RBPJ: variants seen among roughly 807,000 people sequenced by gnomAD.
RBPJ encodes recombining binding protein suppressor of hairless.
Under a neutral mutation model 67.8 loss-of-function variants are expected in RBPJ, and 9 were observed. The observed-to-expected ratio is 0.13, with a 90% CI of 0.08 to 0.23. The LOEUF is 0.23. Among genes scored for constraint, RBPJ ranks in the 10% least tolerant of loss-of-function variants. RBPJ has a pLI of 1.00. For synonymous variants in RBPJ, 198 were observed against 203.3 expected (o/e 0.97, Z 0.22); for missense variants, 305 against 595.6 (o/e 0.51, Z 5.08).
intron 1 of RBPJ, among the ~76,000 whole-genome samples, chr4:26,176,367 T>C (rs893443361): frequency 6.6e-6 from 1 of 152,186 alleles, no homozygotes; most frequent in African/African-American, 2.4e-5. Context: ...AAACCAGTGC[T>C]GGTTTCACAA....
upstream of RBPJ, among the ~76,000 whole-genome samples, chr4:26,159,022 A>C (rs563076558): frequency 1.9e-4 from 29 of 149,102 alleles, no homozygotes; most frequent in African/African-American, 7.2e-4. Flanking sequence ...TATGAGGAAT[A>C]GTCATTCCTT....
At chr4:26,346,984 T>TC (rs1435126307) in intron 1 of RBPJ, among the ~76,000 whole-genome samples, 1 of 150,702 alleles carries the variant, frequency 6.6e-6, no homozygotes, top group Non-Finnish European at 1.5e-5. Context: ...AGAGCGAGAC[T>TC]CCATCTCAAA....
At chr4:26,248,286 A>G (rs1176225898) in intron 1 of RBPJ, among the ~76,000 whole-genome samples, 2 of 152,172 alleles carry the variant, frequency 1.3e-5, no homozygotes, top group Non-Finnish European at 2.9e-5. Context: ...GCAAGATTCC[A>G]TCTCAAAAAT....
In RBPJ at chr4:26,269,612, C is replaced by T. The variant is rs551552774; in HGVS notation, c.-166-92834C>T. On this transcript the variant is annotated intron_variant, in intron 1 of 4. Coordinates refer to the RBPJ transcript ENST00000512351. ...CTGCTGAAATGATCTGTTTTATCTACCTGCCTCCCCCACCGGACTTCACCT... is the reference window on the plus strand; with the variant it reads ...CTGCTGAAATGATCTGTTTTATCTATCTGCCTCCCCCACCGGACTTCACCT... Among the ~76,000 whole-genome samples, 202 of 152,212 alleles carry T rather than the reference C, an allele frequency of 1.3e-3. 1 individual carries two copies. The highest frequency in any genetic ancestry group is 4.1e-3 in the African/African-American group (172 of 41,536).
intron 1 of RBPJ, among the ~76,000 whole-genome samples, chr4:26,194,119 A>T (rs1045733169): frequency 2.6e-5 from 4 of 152,232 alleles, no homozygotes; most frequent in African/African-American, 9.6e-5. Flanking sequence ...ACAGGTGTTT[A>T]TCCAGAACAT....
At chr4:26,149,447 G>A in the RBPJ span, among the ~76,000 whole-genome samples, 1 of 152,288 alleles carries the variant, frequency 6.6e-6, no homozygotes, top group African/African-American at 2.4e-5. Context: ...CCGTGAGTGG[G>A]GAATCCAAGC....
chr4:26,272,554 G>T, intron 1 of RBPJ: 2 of 380,328 alleles, frequency 5.3e-6, no homozygotes, highest in Non-Finnish European at 1.0e-5. Flanking sequence ...CTGGGTGACA[G>T]AGCAAGACCC....
intron 1 of RBPJ, among the ~76,000 whole-genome samples, chr4:26,228,677 A>T (rs1447585600): frequency 6.6e-6 from 1 of 152,248 alleles, no homozygotes; most frequent in Non-Finnish European, 1.5e-5. Flanking sequence ...ACTGAAATGA[A>T]ATTGGACATA....
At chr4:26,360,104 A>G (rs1727879167) in intron 1 of RBPJ, among the ~76,000 whole-genome samples, 1 of 152,238 alleles carries the variant, frequency 6.6e-6, no homozygotes. Flanking sequence ...TAATATATAC[A>G]AAGTTTTGAA....
Position 26,430,879 on chromosome 4 carries a change from G to A in RBPJ, c.1336G>A (p.Ala446Thr). Residue 446 changes from alanine to threonine, a missense_variant, in exon 11 of 11, where the codon GCA becomes ACA. Transcript: ENST00000355476. This position sits in a 1 kb window ranked among gnomAD's most constrained non-coding sequence, Gnocchi z 4.1. ...GCGGCCACATTGCAGTGCAGCAGGA[G>A]CAATCCTTCGAGCCAATTCAAGCCA... is the stretch of plus-strand genomic sequence containing the variant. ...GPRPHCSAAG[A>T]ILRANSSQVP... 1 of 1,613,992 alleles carries A rather than the reference G, an allele frequency of 6.2e-7. No homozygotes were observed. The highest frequency in any genetic ancestry group is 8.5e-7 in the Non-Finnish European group (1 of 1,179,998).
chr4:26,193,331 C>T (rs888635221), intron 1 of RBPJ, among the ~76,000 whole-genome samples: 1 of 152,168 alleles, frequency 6.6e-6, no homozygotes, highest in Non-Finnish European at 1.5e-5. Context: ...AACAAGGAGG[C>T]TCTTGCTTCC....
At chr4:26,225,579 G>A (rs1321384300) in intron 1 of RBPJ, among the ~76,000 whole-genome samples, 2 of 152,022 alleles carry the variant, frequency 1.3e-5, no homozygotes, top group Admixed American at 6.5e-5. Flanking sequence ...CACAAAGAGC[G>A]AACCATGATG....
chr4:26,247,598 C>CG (rs938123211), intron 1 of RBPJ, among the ~76,000 whole-genome samples: 1 of 151,894 alleles, frequency 6.6e-6, no homozygotes, highest in African/African-American at 2.4e-5. Flanking sequence ...TTAGTAGAGG[C>CG]GGGGTTTCTC....
chr4:26,126,500 G>T, the RBPJ span, among the ~76,000 whole-genome samples: 1 of 152,220 alleles, frequency 6.6e-6, no homozygotes, highest in Non-Finnish European at 1.5e-5. Context: ...TAGCCAATCA[G>T]ATGCTTTCCT....
intron 1 of RBPJ, among the ~76,000 whole-genome samples, chr4:26,191,216 G>T (rs1379831324): frequency 1.1e-3 from 63 of 56,486 alleles, no homozygotes; most frequent in African/African-American, 1.3e-3. Context: ...TATATAGAGA[G>T]AGAGAGAGAG....
the RBPJ span, among the ~76,000 whole-genome samples, chr4:26,130,873 C>T: frequency 6.6e-6 from 1 of 152,208 alleles, no homozygotes; most frequent in Admixed American, 6.5e-5. Flanking sequence ...AGCAACACTA[C>T]AAAATCCTCA....
intron 3 of RBPJ, chr4:26,410,230 GTTA>G (rs963743025): frequency 4.6e-6 from 1 of 218,896 alleles, no homozygotes; most frequent in African/African-American, 2.4e-5. Context: ...AAGGCGTGAG[GTTA>G]CCTGGGGGCA....
At chr4:26,265,099 T>C (rs749092262) in intron 1 of RBPJ, among the ~76,000 whole-genome samples, 25 of 152,146 alleles carry the variant, frequency 1.6e-4, no homozygotes, top group African/African-American at 5.6e-4. Flanking sequence ...GAGCAGACAA[T>C]AGTTTGTCAA....
the RBPJ span, among the ~76,000 whole-genome samples, chr4:26,157,102 A>C: frequency 1.2e-4 from 12 of 103,668 alleles, no homozygotes; most frequent in African/African-American, 4.3e-4. Flanking sequence ...AACAAACAAA[A>C]ACAAACAAAC....
Sources: gnomAD v4.1 joint callset for allele counts (sites outside exome capture counted in the v4.1 genomes callset) on GRCh38, gnomAD v4.1.1 for gene constraint, Gnocchi (gnomAD v3.1) non-coding constraint, MANE v1.5 for transcripts, NCBI Gene and HGNC (gene_info 2026-07-23, HGNC 2026-07-21) for gene names.